The following COL5A1 variants were observed in gnomAD, a reference collection of about 807,000 sequenced individuals.
The protein encoded by COL5A1 is collagen alpha-1(V) chain.
Under a neutral mutation model 263.7 loss-of-function variants are expected in COL5A1, and 16 were observed. That is an observed-to-expected ratio of 0.06 (90% CI 0.04 to 0.09). The LOEUF is 0.09. Among genes scored for constraint, COL5A1 ranks in the 10% least tolerant of loss-of-function variants. The pLI is 1.00. For missense variants in COL5A1, 2,036 were observed against 2,540.5 expected (o/e 0.80, Z 4.27); for synonymous variants, 1,012 against 1,004.5 (o/e 1.01, Z -0.14).
At chr9:134,837,968 A>T (rs892535624) in intron 65 of COL5A1, among the ~76,000 whole-genome samples, 5 of 152,152 alleles carry the variant, frequency 3.3e-5, no homozygotes, top group Non-Finnish European at 5.9e-5. Flanking sequence ...TGCACCTTGA[A>T]TACCTCAGTT....
Position 134,823,464 on chromosome 9 carries a change from C to A in COL5A1, c.4693C>A (p.Pro1565Thr). The change falls in exon 61 of 66, where the codon CCC becomes ACC. Residue 1565 changes from proline to threonine, a missense_variant. Coordinates refer to ENST00000371817, the MANE Select transcript of COL5A1 (RefSeq NM_000093.5). ...GEAGHPGPPG[P>T]PGPPGEVIQP... ...GGCAGGCCACCCAGGACCCCCAGGC[C>A]CCCCGGTAAGTAGCCCTTGAAGCCC... 6.2e-7 allele frequency: 1 copy of A among 1,614,174 alleles called. No homozygotes were observed. The highest frequency in any genetic ancestry group is 1.7e-5 in the Admixed American group (1 of 60,024).
At chr9:134,648,337 C>G (rs982491806) in intron 1 of COL5A1, among the ~76,000 whole-genome samples, 16 of 149,180 alleles carry the variant, frequency 1.1e-4, no homozygotes, top group African/African-American at 4.0e-4. Flanking sequence ...TATTTCTATT[C>G]CTATTAGTTC....
intron 37 of COL5A1, among the ~76,000 whole-genome samples, chr9:134,799,628 C>G (rs938354731): frequency 1.3e-5 from 2 of 152,110 alleles, no homozygotes; most frequent in Non-Finnish European, 2.9e-5. Context: ...ATTCTCCATG[C>G]CTGCTTTGAA....
intron 4 of COL5A1, among the ~76,000 whole-genome samples, chr9:134,701,669 C>T (rs1833681610): frequency 6.6e-6 from 1 of 152,196 alleles, no homozygotes; most frequent in South Asian, 2.1e-4. Context: ...AACCTGCACA[C>T]TCCTGCCGTC....
intron 65 of COL5A1, among the ~76,000 whole-genome samples, chr9:134,839,379 A>C (rs1839949962): frequency 6.6e-6 from 1 of 152,188 alleles, no homozygotes; most frequent in African/African-American, 2.4e-5. Context: ...CACTCTGATA[A>C]TTGGAGCAGA....
At chr9:134,650,367 G>A (rs555420973) in intron 1 of COL5A1, among the ~76,000 whole-genome samples, 12 of 152,132 alleles carry the variant, frequency 7.9e-5, no homozygotes, top group South Asian at 2.1e-4. Flanking sequence ...ACTCTTTCCC[G>A]TGTGTGGGTA....
chr9:134,761,077 GCACACGTGCACACACCC>G (rs777950838), intron 18 of COL5A1, among the ~76,000 whole-genome samples: 33 of 128,154 alleles, frequency 2.6e-4, no homozygotes, highest in Non-Finnish European at 4.6e-4. Flanking sequence ...GCACACACAT[GCACACGTGCACACACCC>G]CACACATGCA....
chr9:134,685,606 TCATCCATCCATCCAC>T (rs200753145), intron 1 of COL5A1, among the ~76,000 whole-genome samples: 31,902 of 57,638 alleles, frequency 0.55, 9,294 homozygotes, highest in Non-Finnish European at 0.67. Flanking sequence ...CATCCATCCA[TCATCCATCCATCCAC>T]CATCCATCCA....
At chr9:134,643,748 T>G (rs114073395) in intron 1 of COL5A1, among the ~76,000 whole-genome samples, 2,393 of 152,202 alleles carry the variant, frequency 0.016, 45 homozygotes, top group African/African-American at 0.05. Flanking sequence ...GAAGGTGTGG[T>G]CAGGGACTGT....
intron 4 of COL5A1, among the ~76,000 whole-genome samples, chr9:134,717,372 C>G (rs575972861): frequency 1.3e-5 from 2 of 152,218 alleles, no homozygotes; most frequent in Non-Finnish European, 2.9e-5. Context: ...CTCCACCCTC[C>G]CAGCAGCCTC....
Position 134,686,532 on chromosome 9 carries a change from C to CT in COL5A1, c.110-4379dup, listed in dbSNP as rs1228313205. 6.6e-6 allele frequency among the ~76,000 whole-genome samples: 1 copy of CT among 152,170 alleles called. No individual in the cohort carries two copies. The highest frequency in any genetic ancestry group is 1.5e-5 in the Non-Finnish European group (1 of 68,030). ...CTCCCAAAGTGCTGGGATTCCAGTC[C>CT]TGAGCCACCGCGCCTGGCCATCAAA... On this transcript the variant is annotated intron_variant, in intron 1 of 65. Coordinates refer to ENST00000371817, the MANE Select transcript of COL5A1 (RefSeq NM_000093.5). This position sits in a 1 kb window ranked among gnomAD's most constrained non-coding sequence, Gnocchi z 4.6.
rs1316772073 is a variant in COL5A1, at chr9:134,682,185, C to A, written c.110-8727C>A. On this transcript the variant is annotated intron_variant, in intron 1 of 65. Coordinates refer to ENST00000371817, the MANE Select transcript of COL5A1 (RefSeq NM_000093.5). The surrounding 1 kb of genome is among the most constrained non-coding windows in gnomAD (Gnocchi z 5.1). ...TTTAAGGGCCAGGCAGAAATGCTGCCCTGTTCGGGCTGGGGGCTGGACTGG... is the reference window on the plus strand; with the variant it reads ...TTTAAGGGCCAGGCAGAAATGCTGCACTGTTCGGGCTGGGGGCTGGACTGG... Among the ~76,000 whole-genome samples, 1 of 152,196 alleles carries A rather than the reference C, an allele frequency of 6.6e-6. No individual in the cohort carries two copies. Among genetic ancestry groups the A allele is most frequent in the Non-Finnish European group, 1.5e-5 (1 of 68,044 alleles).
chr9:134,741,142 A>C lies in COL5A1; in HGVS notation c.1494+2334A>C, dbSNP rs890804341. 5.3e-4 allele frequency among the ~76,000 whole-genome samples: 81 copies of C among 152,162 alleles called. No homozygotes were observed. Among genetic ancestry groups the C allele is most frequent in the African/African-American group, 1.8e-3 (75 of 41,452 alleles). ...GCCCGCTAATCAGCTGTGAAAGATCACTGGCTATGGGGTGAGGCCCTGCAG... is the reference window on the plus strand; with the variant it reads ...GCCCGCTAATCAGCTGTGAAAGATCCCTGGCTATGGGGTGAGGCCCTGCAG... On this transcript the variant is annotated intron_variant, in intron 11 of 65. Transcript: ENST00000371817. The surrounding 1 kb of genome is among the most constrained non-coding windows in gnomAD (Gnocchi z 4.5).
At position 134,823,491 on chromosome 9, in the gene COL5A1, G is replaced by A. The variant is rs757509534; in HGVS notation, c.4698+22G>A. ...CCCGGTAAGTAGCCCTTGAAGCCCA[G>A]AAAGCGGGACGGGGGCTCTGGCTAG... On this transcript the variant is annotated intron_variant, in intron 61 of 65. Coordinates refer to ENST00000371817, the MANE Select transcript of COL5A1 (RefSeq NM_000093.5). The A allele has an allele frequency of 1.9e-5, 30 of 1,613,742 alleles. No individual in the cohort carries two copies. The South Asian group carries it at 3.3e-4, about 18-fold the overall frequency.
chr9:134,822,995 C>A lies in COL5A1; in HGVS notation c.4609-3C>A, dbSNP rs200851543. The A allele has an allele frequency of 6.2e-7, 1 of 1,614,066 alleles. No homozygotes were observed. The highest frequency in any genetic ancestry group is 8.5e-7 in the Non-Finnish European group (1 of 1,179,976). On this transcript the variant is annotated splice_polypyrimidine_tract_variant and splice_region_variant and intron_variant, in intron 59 of 65. Coordinates refer to ENST00000371817, the MANE Select transcript of COL5A1 (RefSeq NM_000093.5). ...CTGACGTTCTGCCCTCCTCTCTCTG[C>A]AGGGTCCGCCTGGTCCAAAAGGTGC...
chr9:134,662,512 G>A (rs1198525060), intron 1 of COL5A1, among the ~76,000 whole-genome samples: 1 of 152,254 alleles, frequency 6.6e-6, no homozygotes, highest in Non-Finnish European at 1.5e-5. Context: ...CTACGTAGAT[G>A]CCCAGTGCTG....
chr9:134,687,693 C>T (rs979284663), intron 1 of COL5A1, among the ~76,000 whole-genome samples: 18 of 152,150 alleles, frequency 1.2e-4, no homozygotes, highest in African/African-American at 3.6e-4. Flanking sequence ...AGACCACACG[C>T]GTGATGCCAT....
Position 134,774,297 on chromosome 9 carries a change from T to C in COL5A1, c.2332-562T>C, listed in dbSNP as rs564613982. Among the ~76,000 whole-genome samples the C allele has an allele frequency of 5.9e-5, 9 of 152,128 alleles. No individual in the cohort carries two copies. In the South Asian group the frequency reaches 1.5e-3, roughly 25 times the overall value. On this transcript the variant is annotated intron_variant, in intron 26 of 65. Coordinates refer to ENST00000371817, the MANE Select transcript of COL5A1 (RefSeq NM_000093.5). Reference sequence around the variant, plus strand: ...AGCTCCAGCCGCTGCCGTGACACCATGTGGAAAGGGGGCTGGGAGGGAGGC... The same window carrying C: ...AGCTCCAGCCGCTGCCGTGACACCACGTGGAAAGGGGGCTGGGAGGGAGGC...
At chr9:134,823,064 G>A in intron 60 of COL5A1, 31 bp downstream of exon 60, 1 of 1,613,898 alleles carries the variant, frequency 6.2e-7, no homozygotes, top group Non-Finnish European at 8.5e-7. Flanking sequence ...CCAGGCCAAT[G>A]CCTGGAAGGT....
Sources: gnomAD v4.1 joint callset for allele counts (sites outside exome capture counted in the v4.1 genomes callset) on GRCh38, gnomAD v4.1.1 for gene constraint, Gnocchi (gnomAD v3.1) non-coding constraint, MANE v1.5 for transcripts, NCBI Gene and HGNC (gene_info 2026-07-23, HGNC 2026-07-21) for gene names.